The following RNF144A variants were observed in gnomAD, a reference collection of about 807,000 sequenced individuals.
The protein encoded by RNF144A is E3 ubiquitin-protein ligase RNF144A.
A neutral mutation model predicts 38.7 loss-of-function variants in RNF144A; 11 were observed. The observed-to-expected ratio is 0.28, with a 90% CI of 0.18 to 0.47. The LOEUF (loss-of-function observed/expected upper bound fraction) is 0.47. Ranked by LOEUF, RNF144A falls within the 20% of genes least tolerant of loss-of-function variation. RNF144A has a pLI of 0.99. For missense variants in RNF144A, 316 were observed against 377.2 expected (o/e 0.84, Z 1.34); for synonymous variants, 149 against 143.9 (o/e 1.04, Z -0.25).
chr2:7,040,644 TCTC>T lies in RNF144A; in HGVS notation c.*889_*891del, dbSNP rs1210312681. On this transcript the variant is annotated 3_prime_UTR_variant, in exon 9 of 9. Transcript: ENST00000320892. Reference sequence around the variant, plus strand: ...TCCCACTGCTTTGCTCGGCAATGGTTCTCCTCCGAATTGCTGCCGTCTGGCCTC... The same window carrying T: ...TCCCACTGCTTTGCTCGGCAATGGTTCTCCGAATTGCTGCCGTCTGGCCTC... 41 of 985,326 alleles carry T rather than the reference TCTC, an allele frequency of 4.2e-5. No homozygotes were observed. The highest frequency in any genetic ancestry group is 4.8e-5 in the Non-Finnish European group (40 of 829,964). 61.0% of individuals were successfully genotyped at this position (985,326 alleles called of 1,614,324 possible). A position where few individuals can be genotyped will look rare whatever the true frequency, so the allele number is the denominator to read the frequency against.
At chr2:7,032,864 C>T (rs1471832287) in intron 8 of RNF144A, among the ~76,000 whole-genome samples, 1 of 152,234 alleles carries the variant, frequency 6.6e-6, no homozygotes, top group Non-Finnish European at 1.5e-5. Flanking sequence ...CTACACCCCC[C>T]TCCCCACGCA....
At chr2:7,000,505 T>C (rs1440287934) in intron 3 of RNF144A, among the ~76,000 whole-genome samples, 1 of 152,222 alleles carries the variant, frequency 6.6e-6, no homozygotes, top group Non-Finnish European at 1.5e-5. Flanking sequence ...ATGTTTTAAC[T>C]TAAAATGGGA....
chr2:6,927,590 A>G (rs2103275021), intron 1 of RNF144A, among the ~76,000 whole-genome samples: 1 of 152,322 alleles, frequency 6.6e-6, no homozygotes, highest in East Asian at 1.9e-4. Flanking sequence ...GGAAGCGAGG[A>G]CCTGAGCCAG....
At chr2:6,924,421 G>A (rs1664736246) in intron 1 of RNF144A, among the ~76,000 whole-genome samples, 1 of 152,254 alleles carries the variant, frequency 6.6e-6, no homozygotes, top group Admixed American at 6.5e-5. Flanking sequence ...GCCCATCCGA[G>A]CGCATGTCCT....
At chr2:7,011,234 G>T (rs948996206) in intron 3 of RNF144A, among the ~76,000 whole-genome samples, 9 of 152,172 alleles carry the variant, frequency 5.9e-5, no homozygotes, top group Admixed American at 6.5e-5. Flanking sequence ...GCAGCTCAGC[G>T]TATTCATCAT....
intron 6 of RNF144A, among the ~76,000 whole-genome samples, chr2:7,065,092 G>A (rs867382188): frequency 2.6e-5 from 4 of 152,238 alleles, no homozygotes; most frequent in Non-Finnish European, 5.9e-5. Flanking sequence ...TGTCTGCTAT[G>A]TGCTAGGTAC....
chr2:7,039,897 C>T lies in RNF144A; in HGVS notation c.*137C>T. ...GAGCTTCACAGTGTCAGGCTGGACG[C>T]CGTGATTTCAGGGACCTATGTCACA... On this transcript the variant is annotated 3_prime_UTR_variant, in exon 9 of 9. Coordinates refer to ENST00000320892, the MANE Select transcript of RNF144A (RefSeq NM_014746.6). The T allele has an allele frequency of 6.9e-7, 1 of 1,446,984 alleles. No individual in the cohort carries two copies. Among genetic ancestry groups the T allele is most frequent in the Non-Finnish European group, 9.1e-7 (1 of 1,099,872 alleles). The allele number at this position is 1,446,984 out of a possible 1,614,324, so 89.6% of individuals were successfully genotyped here.
At chr2:7,024,835 T>C (rs977605193) in intron 7 of RNF144A, among the ~76,000 whole-genome samples, 34 of 152,302 alleles carry the variant, frequency 2.2e-4, no homozygotes, top group African/African-American at 8.2e-4. Context: ...TGGGCTGCTG[T>C]GACATAATAT....
At chr2:6,938,470 A>G (rs1184318870) in intron 1 of RNF144A, among the ~76,000 whole-genome samples, 1 of 150,792 alleles carries the variant, frequency 6.6e-6, no homozygotes, top group Non-Finnish European at 1.5e-5. Flanking sequence ...CTGGTCTCAA[A>G]CTCCTGACCT....
chr2:7,041,532 G>T lies in RNF144A; in HGVS notation c.*1772G>T. 1.0e-6 allele frequency: 1 copy of T among 986,054 alleles called. No homozygotes were observed. The highest frequency in any genetic ancestry group is 4.7e-5 in the South Asian group (1 of 21,276). 61.1% of individuals were successfully genotyped at this position (986,054 alleles called of 1,614,324 possible). A position where few individuals can be genotyped will look rare whatever the true frequency, so the allele number is the denominator to read the frequency against. On this transcript the variant is annotated 3_prime_UTR_variant, in exon 9 of 9. Transcript: ENST00000320892. ...CTTTCTGGATGGAACCTGGGCTGTG[G>T]CTCTCTGTCGTTTGTGGTGCTGTGA...
At chr2:6,998,991 C>T (rs1285405696) in intron 3 of RNF144A, among the ~76,000 whole-genome samples, 3 of 152,182 alleles carry the variant, frequency 2.0e-5, no homozygotes. Context: ...TTCATTCTCC[C>T]TGGCTTTTTT....
rs569974945 is a variant in RNF144A at position 7,040,452 on chromosome 2, G to A, written c.*692G>A. On this transcript the variant is annotated 3_prime_UTR_variant, in exon 9 of 9. Coordinates refer to ENST00000320892, the MANE Select transcript of RNF144A (RefSeq NM_014746.6). ...GTAAGCTGTGTACTGTTATAAGTGT[G>A]CTTCCTATATTGTTGCATTTCCTTG... The A allele has an allele frequency of 6.6e-5, 65 of 985,372 alleles. 1 individual carries two copies. The African/African-American group carries it at 1.1e-3, about 16-fold the overall frequency. 61.0% of individuals were successfully genotyped at this position (985,372 alleles called of 1,614,324 possible). A position where few individuals can be genotyped will look rare whatever the true frequency, so the allele number is the denominator to read the frequency against.
Position 6,954,434 on chromosome 2 carries a change from G to C in RNF144A, c.-12+13287G>C, listed in dbSNP as rs531521405. Among the ~76,000 whole-genome samples the C allele has an allele frequency of 2.6e-5, 4 of 152,260 alleles. No individual in the cohort carries two copies. In the East Asian group the frequency reaches 7.7e-4, roughly 29 times the overall value. ...CTTAGAATTCTGTAGTCCACTTACA[G>C]GTTTATAAGCTACGATGCTTATTCG... On this transcript the variant is annotated intron_variant, in intron 2 of 8. Coordinates refer to ENST00000320892, the MANE Select transcript of RNF144A (RefSeq NM_014746.6).
At chr2:7,048,119 G>C (rs550643612), downstream of RNF144A, among the ~76,000 whole-genome samples, 2 of 152,314 alleles carry the variant, frequency 1.3e-5, no homozygotes, top group Admixed American at 1.3e-4. Context: ...TTTCAAGCCA[G>C]CAAGATGAAT....
chr2:6,999,133 C>T (rs1669942939), intron 3 of RNF144A, among the ~76,000 whole-genome samples: 1 of 152,230 alleles, frequency 6.6e-6, no homozygotes, highest in Non-Finnish European at 1.5e-5. Context: ...AAGAAGCTAG[C>T]ACTGTGTTCT....
intron 2 of RNF144A, among the ~76,000 whole-genome samples, chr2:6,951,556 G>C (rs1480575797): frequency 6.6e-6 from 1 of 152,180 alleles, no homozygotes; most frequent in East Asian, 1.9e-4. Flanking sequence ...AATTTAGAAA[G>C]AATTGGCATA....
intron 2 of RNF144A, chr2:6,978,747 T>G (rs929925702): frequency 5.9e-5 from 9 of 152,682 alleles, no homozygotes; most frequent in Admixed American, 4.6e-4. Context: ...CCTGTCTGTT[T>G]GGAGGCTTTC....
chr2:7,071,787 A>G (rs1037513810), downstream of RNF144A, among the ~76,000 whole-genome samples: 2 of 152,208 alleles, frequency 1.3e-5, no homozygotes, highest in African/African-American at 4.8e-5. Flanking sequence ...CTCTGTAGCT[A>G]TTTTGTAGAT....
chr2:6,951,442 C>A (rs901175947), intron 2 of RNF144A, among the ~76,000 whole-genome samples: 2 of 152,080 alleles, frequency 1.3e-5, no homozygotes, highest in Non-Finnish European at 2.9e-5. Flanking sequence ...GGTCCTCTGC[C>A]CTCTATAGAG....
Sources: gnomAD v4.1 joint callset for allele counts (sites outside exome capture counted in the v4.1 genomes callset) on GRCh38, gnomAD v4.1.1 for gene constraint, MANE v1.5 for transcripts, NCBI Gene and HGNC (gene_info 2026-07-23, HGNC 2026-07-21) for gene names.